AK9: variants seen among roughly 807,000 people sequenced by gnomAD.
The protein encoded by AK9 is adenylate kinase 9.
Under a neutral mutation model 239.6 loss-of-function variants are expected in AK9, and 191 were observed. The observed-to-expected ratio is 0.80, with a 90% CI of 0.71 to 0.90. The LOEUF is 0.90. Among genes scored for constraint, AK9 ranks in the 40% least tolerant of loss-of-function variants. AK9 has a pLI of 0.00. For synonymous variants in AK9, 689 were observed against 721.0 expected (o/e 0.96, Z 0.71); for missense variants, 1,995 against 2,214.7 (o/e 0.90, Z 1.99).
chr6:109,516,615 T>TA lies in AK9; in HGVS notation c.3660dup (p.Ser1221Ter). On this transcript the variant is annotated frameshift_variant, in exon 30 of 41. Transcript: ENST00000424296. LOFTEE classifies it high-confidence loss of function. Reference sequence around the variant, plus strand: ...TTGTCTTCTTCAAGTTCTTCCTCACTAATCTCTTCATCATCTCTAACAACA... The same window carrying TA: ...TTGTCTTCTTCAAGTTCTTCCTCACTAAATCTCTTCATCATCTCTAACAACA... 1 of 1,550,080 alleles carries TA rather than the reference T, an allele frequency of 6.5e-7. No homozygotes were observed. Among genetic ancestry groups the TA allele is most frequent in the South Asian group, 1.2e-5 (1 of 84,050 alleles).
chr6:109,561,113 C>T (rs1785699880), intron 24 of AK9, among the ~76,000 whole-genome samples: 1 of 152,044 alleles, frequency 6.6e-6, no homozygotes, highest in South Asian at 2.1e-4. Flanking sequence ...ATGACCACAC[C>T]TGGCTAATTT....
At chr6:109,509,665 T>C (rs1043235256) in intron 32 of AK9, among the ~76,000 whole-genome samples, 1 of 152,026 alleles carries the variant, frequency 6.6e-6, no homozygotes, top group African/African-American at 2.4e-5. Flanking sequence ...GGTCTGAGCC[T>C]CCCTGTGCTC....
At chr6:109,644,838 G>T (rs142242615) in intron 8 of AK9, 150 bp from the exon 9 acceptor site, 362 of 562,454 alleles carry the variant, frequency 6.4e-4, no homozygotes, top group African/African-American at 6.1e-3. Context: ...ATGCTCAAGA[G>T]ATCTTTTGCA....
chr6:109,567,090 T>C (rs995839055), intron 21 of AK9, among the ~76,000 whole-genome samples: 5 of 152,036 alleles, frequency 3.3e-5, no homozygotes, highest in East Asian at 3.9e-4. Flanking sequence ...AGAGCAGAAC[T>C]GAAGGAGATA....
intron 6 of AK9, among the ~76,000 whole-genome samples, chr6:109,661,775 G>A (rs1007103076): frequency 4.6e-5 from 7 of 152,162 alleles, no homozygotes; most frequent in Admixed American, 3.3e-4. Flanking sequence ...AACCCTGGCC[G>A]AGTATGGATA....
chr6:109,498,864 T>C (rs1055136973), intron 36 of AK9, among the ~76,000 whole-genome samples, 180 bp downstream of exon 36: 47 of 152,262 alleles, frequency 3.1e-4, no homozygotes, highest in African/African-American at 7.5e-4. Context: ...TTTCAAATTA[T>C]ATCCTGGGAT....
chr6:109,520,965 T>C (rs928917480), intron 29 of AK9, among the ~76,000 whole-genome samples: 2 of 152,128 alleles, frequency 1.3e-5, no homozygotes, highest in Non-Finnish European at 2.9e-5. Context: ...ATCCTGAAAT[T>C]TTACTGAAGT....
chr6:109,617,223 A>G (rs967203677), intron 13 of AK9, among the ~76,000 whole-genome samples: 3 of 152,136 alleles, frequency 2.0e-5, no homozygotes, highest in African/African-American at 7.2e-5. Flanking sequence ...AAATTATTAT[A>G]TAATATTAAT....
At chr6:109,499,324 A>T in intron 35 of AK9, 84 bp from the exon 36 acceptor site, 2 of 1,079,212 alleles carry the variant, frequency 1.9e-6, no homozygotes, top group Non-Finnish European at 2.5e-6. Flanking sequence ...AATTTTAATT[A>T]CACAGCACTA....
intron 19 of AK9, among the ~76,000 whole-genome samples, chr6:109,582,215 G>A (rs1054381271): frequency 6.6e-6 from 1 of 152,140 alleles, no homozygotes; most frequent in Admixed American, 6.6e-5. Flanking sequence ...CGCAGCCCAT[G>A]GATCAAAGAG....
chr6:109,574,273 G>C (rs1433985986), intron 20 of AK9, among the ~76,000 whole-genome samples: 1 of 152,096 alleles, frequency 6.6e-6, no homozygotes, highest in African/African-American at 2.4e-5. Context: ...TACTCAGGAG[G>C]CTTAGCAGGA....
chr6:109,587,950 T>C (rs1216769674), intron 17 of AK9, among the ~76,000 whole-genome samples: 1 of 152,198 alleles, frequency 6.6e-6, no homozygotes, highest in Non-Finnish European at 1.5e-5. Context: ...CTTGTCAACA[T>C]CTGTTTTTTG....
chr6:109,611,467 C>G lies in AK9; in HGVS notation c.1693+543G>C, dbSNP rs1195633613. ...CTTCATACAGCAACCCTGATTTTGT[C>G]AAGGCTAGCAGTGTGCCCTGCTGAA... On this transcript the variant is annotated intron_variant, in intron 16 of 40. Transcript: ENST00000424296. Among the ~76,000 whole-genome samples, 5 of 152,188 alleles carry G rather than the reference C, an allele frequency of 3.3e-5. No homozygotes were observed. The East Asian group carries it at 9.6e-4, about 29-fold the overall frequency.
Position 109,585,117 on chromosome 6 carries a change from T to G in AK9, c.2114+6A>C. ...AATCTGTTTTATCATTCTAGGCAGA[T>G]TTTACCTTGCTTCTTCTTCTTCTTT... On this transcript the variant is annotated splice_donor_region_variant and intron_variant, in intron 19 of 40. Transcript: ENST00000424296. 1 of 1,153,668 alleles carries G rather than the reference T, an allele frequency of 8.7e-7. No individual in the cohort carries two copies. The allele number at this position is 1,153,668 out of a possible 1,614,324, so 71.5% of individuals were successfully genotyped here. A position where few individuals can be genotyped will look rare whatever the true frequency, so the allele number is the denominator to read the frequency against.
intron 19 of AK9, 143 bp from the exon 20 acceptor site, chr6:109,579,769 G>A: frequency 1.4e-6 from 1 of 696,070 alleles, no homozygotes; most frequent in Non-Finnish European, 2.2e-6. Context: ...AATTACTCAT[G>A]TTGAGACTAG....
chr6:109,625,125 G>A (rs182224164), intron 12 of AK9, among the ~76,000 whole-genome samples: 1 of 152,162 alleles, frequency 6.6e-6, no homozygotes, highest in East Asian at 1.9e-4. Context: ...ATAATTGGAA[G>A]CTTCATTTGC....
intron 29 of AK9, among the ~76,000 whole-genome samples, chr6:109,525,678 T>C (rs771997876): frequency 6.6e-6 from 1 of 152,096 alleles, no homozygotes; most frequent in Admixed American, 6.5e-5. Flanking sequence ...AGTGAGGTTA[T>C]GAAGAAAAGG....
At chr6:109,592,898 C>T (rs1790481135) in intron 17 of AK9, among the ~76,000 whole-genome samples, 1 of 152,044 alleles carries the variant, frequency 6.6e-6, no homozygotes, top group Non-Finnish European at 1.5e-5. Flanking sequence ...CTTCTTATAT[C>T]TGGCTGTCTA....
At chr6:109,652,520 A>C (rs1799116414) in intron 8 of AK9, among the ~76,000 whole-genome samples, 1 of 152,190 alleles carries the variant, frequency 6.6e-6, no homozygotes, top group Non-Finnish European at 1.5e-5. Context: ...TTATAAGATC[A>C]CTGTCAATGT....
Sources: allele counts gnomAD v4.1 joint callset (sites outside exome capture counted in the v4.1 genomes callset), GRCh38; gene constraint gnomAD v4.1.1; transcripts MANE v1.5; gene names NCBI Gene and HGNC (gene_info 2026-07-23, HGNC 2026-07-21).